Variants in TDRP observed in about 807,000 individuals in gnomAD.
TDRP encodes the protein testis development related protein, also known as testis development-related protein.
A neutral mutation model predicts 10.5 loss-of-function variants in TDRP; 12 were observed. The observed-to-expected ratio is 1.15, with a 90% confidence interval of 0.73 to 1.86. The LOEUF (loss-of-function observed/expected upper bound fraction) is 1.86. Among genes scored for constraint, TDRP ranks in the 40% most tolerant of loss-of-function variants. TDRP has a pLI of 0.00. For synonymous variants in TDRP, 139 were observed against 95.4 expected, an observed-to-expected ratio of 1.46 and a Z score of -2.67; for missense variants, 353 against 229.2, an observed-to-expected ratio of 1.54 and a Z score of -3.49.
chr8:530,723 C>T (rs1802170037), intron 1 of TDRP, among the ~76,000 whole-genome samples: 2 of 152,122 alleles, frequency 1.3e-5, no homozygotes, highest in Non-Finnish European at 1.5e-5. Flanking sequence ...TTCTCAGCAG[C>T]CCCCAGACAT....
In TDRP at chr8:492,275, C is replaced by G. The variant is rs192530053; in HGVS notation, c.*124G>C. The G allele has an allele frequency of 2.1e-5, 28 of 1,337,922 alleles. No homozygotes were observed. The highest frequency in any genetic ancestry group is 1.7e-4 in the Admixed American group (5 of 28,778). 82.9% of individuals were successfully genotyped at this position (1,337,922 alleles called of 1,614,324 possible). A position where few individuals can be genotyped will look rare whatever the true frequency, so the allele number is the denominator to read the frequency against. On this transcript the variant is annotated 3_prime_UTR_variant, in exon 3 of 3. Transcript: ENST00000324079. ...GTTCATTAAATAAAGAAACAGAGGT[C>G]CAAATATCAAATATAGGCAAAAAGT...
chr8:522,310 G>A (rs961518144), intron 1 of TDRP, among the ~76,000 whole-genome samples: 1 of 152,158 alleles, frequency 6.6e-6, no homozygotes, highest in Admixed American at 6.5e-5. Context: ...AGAAATTAAA[G>A]ACTGTGTAAG....
intron 1 of TDRP, among the ~76,000 whole-genome samples, chr8:500,003 G>C (rs73671720): frequency 0.016 from 2,405 of 152,240 alleles, 61 homozygotes; most frequent in African/African-American, 0.054. Flanking sequence ...CACCTCTTGA[G>C]GACCAAGAAG....
intron 1 of TDRP, among the ~76,000 whole-genome samples, chr8:537,170 C>A (rs145833083): frequency 6.6e-6 from 1 of 152,358 alleles, no homozygotes; most frequent in Non-Finnish European, 1.5e-5. Context: ...CTGAGCCCCA[C>A]GTGGGCCTGG....
At chr8:532,300 G>A (rs1802225421) in intron 1 of TDRP, among the ~76,000 whole-genome samples, 1 of 152,194 alleles carries the variant, frequency 6.6e-6, no homozygotes, top group Non-Finnish European at 1.5e-5. Context: ...CAGGCTGTGT[G>A]GCAGCCATGC....
chr8:506,089 G>A (rs889710977), intron 1 of TDRP, among the ~76,000 whole-genome samples: 1 of 152,098 alleles, frequency 6.6e-6, no homozygotes, highest in African/African-American at 2.4e-5. Context: ...AAAGACAGAG[G>A]GGCAGAGCCA....
chr8:532,589 C>T (rs1216993917), intron 1 of TDRP, among the ~76,000 whole-genome samples: 2 of 152,210 alleles, frequency 1.3e-5, no homozygotes, highest in East Asian at 3.8e-4. Context: ...TAAAACTATA[C>T]AAATGCACAC....
At chr8:511,478 T>A (rs576565633) in intron 1 of TDRP, among the ~76,000 whole-genome samples, 2 of 152,082 alleles carry the variant, frequency 1.3e-5, no homozygotes, top group African/African-American at 4.8e-5. Flanking sequence ...GAAACAAAAA[T>A]GGACAGACAT....
chr8:514,480 G>A (rs545694923), intron 1 of TDRP, among the ~76,000 whole-genome samples: 1 of 152,144 alleles, frequency 6.6e-6, no homozygotes, highest in African/African-American at 2.4e-5. Flanking sequence ...CAAAACTGGG[G>A]ACAGGATGCT....
At chr8:520,564 A>G (rs1409450176) in intron 1 of TDRP, among the ~76,000 whole-genome samples, 1 of 152,232 alleles carries the variant, frequency 6.6e-6, no homozygotes, top group East Asian at 1.9e-4. Context: ...GATTGCCAAC[A>G]GTGCACAGGT....
At chr8:535,220 G>A (rs1384493031) in intron 1 of TDRP, among the ~76,000 whole-genome samples, 2 of 152,104 alleles carry the variant, frequency 1.3e-5, no homozygotes, top group South Asian at 2.1e-4. Flanking sequence ...TGGTCTGCGG[G>A]CTGTCCACAC....
chr8:513,029 AG>A (rs1801660245), intron 1 of TDRP, among the ~76,000 whole-genome samples: 1 of 152,100 alleles, frequency 6.6e-6, no homozygotes. Context: ...CTACCCAAAA[AG>A]AAAAGCTCAG....
chr8:521,805 G>A (rs10100897), intron 1 of TDRP, among the ~76,000 whole-genome samples: 76,327 of 151,948 alleles, frequency 0.5, 19,966 homozygotes, highest in Admixed American at 0.6. Flanking sequence ...CATTGAACCA[G>A]TGGATTGCTG....
chr8:493,059 G>T (rs900479300), intron 2 of TDRP, among the ~76,000 whole-genome samples: 2 of 152,148 alleles, frequency 1.3e-5, no homozygotes, highest in African/African-American at 4.8e-5. Context: ...AAGATTTTGA[G>T]CAAATCAGAT....
chr8:539,783 C>G (rs1238248727), intron 1 of TDRP, among the ~76,000 whole-genome samples: 1 of 152,192 alleles, frequency 6.6e-6, no homozygotes, highest in Admixed American at 6.5e-5. Context: ...TTCCCAGACA[C>G]CACTAAAGCA....
At chr8:511,156 T>C (rs1429301408) in intron 1 of TDRP, among the ~76,000 whole-genome samples, 2 of 152,120 alleles carry the variant, frequency 1.3e-5, no homozygotes, top group African/African-American at 2.4e-5. Context: ...TAAATGTAAA[T>C]GGATTAAAAC....
chr8:526,932 A>G (rs1472587646), intron 1 of TDRP, among the ~76,000 whole-genome samples: 1 of 152,186 alleles, frequency 6.6e-6, no homozygotes, highest in Admixed American at 6.5e-5. Flanking sequence ...GTTTGCAGAC[A>G]TGATCTTATA....
At chr8:522,742 C>T (rs1425536171) in intron 1 of TDRP, among the ~76,000 whole-genome samples, 4 of 152,178 alleles carry the variant, frequency 2.6e-5, no homozygotes, top group African/African-American at 4.8e-5. Flanking sequence ...TCAACCCCTG[C>T]CTCTGATTCC....
At position 512,911 on chromosome 8, in the gene TDRP, G is replaced by A. The variant is rs1301090744; in HGVS notation, c.109-18314C>T. Among the ~76,000 whole-genome samples the A allele has an allele frequency of 2.0e-5, 3 of 151,804 alleles. No homozygotes were observed. In the East Asian group the frequency reaches 5.8e-4, roughly 29 times the overall value. The stretch of plus-strand genomic sequence containing the variant: ...CACTTAAACCTGGGAAGTGGAGGTT[G>A]CAGTGAGCCAAGATTGTGACACTGC... On this transcript the variant is annotated intron_variant, in intron 1 of 2. Transcript: ENST00000324079.
Sources: allele counts gnomAD v4.1 joint callset (sites outside exome capture counted in the v4.1 genomes callset), GRCh38; gene constraint gnomAD v4.1.1; transcripts MANE v1.5; gene names NCBI Gene and HGNC (gene_info 2026-07-23, HGNC 2026-07-21).